KCNH8: variants seen among roughly 807,000 people sequenced by gnomAD.
KCNH8 encodes voltage-gated delayed rectifier potassium channel KCNH8.
Under a neutral mutation model 103.6 loss-of-function variants are expected in KCNH8, and 70 were observed. The observed-to-expected ratio is 0.68, with a 90% CI of 0.56 to 0.82. The LOEUF (loss-of-function observed/expected upper bound fraction) is 0.82, where lower values mean the gene tolerates loss of function less well. Among genes scored for constraint, KCNH8 ranks in the 40% least tolerant of loss-of-function variants. The probability of loss-of-function intolerance (pLI) is 0.00; values close to 1 mark genes in which losing one functional copy is unlikely to be tolerated. For missense variants in KCNH8, 1,217 were observed against 1,329.9 expected (o/e 0.92, Z 1.32); for synonymous variants, 498 against 489.4 (o/e 1.02, Z -0.23).
chr3:19,337,175 A>G (rs1030910858), intron 3 of KCNH8, among the ~76,000 whole-genome samples: 2 of 152,144 alleles, frequency 1.3e-5, no homozygotes, highest in Admixed American at 1.3e-4. Flanking sequence ...TACTGTGTGA[A>G]TTTGGACAAG....
At chr3:19,168,621 C>A (rs919712502) in intron 1 of KCNH8, among the ~76,000 whole-genome samples, 11 of 152,212 alleles carry the variant, frequency 7.2e-5, no homozygotes, top group Admixed American at 2.6e-4. Flanking sequence ...CCCAAAAGAG[C>A]CAACAGACTT....
At chr3:19,502,433 A>G (rs1251847901) in intron 11 of KCNH8, among the ~76,000 whole-genome samples, 1 of 151,920 alleles carries the variant, frequency 6.6e-6, no homozygotes, top group Admixed American at 6.6e-5. Context: ...TTTAAAGTTC[A>G]TATGGAACCG....
In KCNH8 at chr3:19,222,706, T is replaced by C. The variant is rs184605548; in HGVS notation, c.77-30948T>C. ...GTAATTCAAAACTTTCCAGATCTAGTGTAAGCCAGTTGTAGAGCCTTTGAA... is the reference window on the plus strand; with the variant it reads ...GTAATTCAAAACTTTCCAGATCTAGCGTAAGCCAGTTGTAGAGCCTTTGAA... On this transcript the variant is annotated intron_variant, in intron 1 of 15. Coordinates refer to ENST00000328405, the MANE Select transcript of KCNH8 (RefSeq NM_144633.3). 2.4e-4 allele frequency among the ~76,000 whole-genome samples: 37 copies of C among 152,308 alleles called. 2 individuals carry two copies. In the South Asian group the frequency reaches 2.7e-3, roughly 11 times the overall value.
intron 1 of KCNH8, among the ~76,000 whole-genome samples, chr3:19,178,161 A>G (rs2063418374): frequency 6.6e-6 from 1 of 152,096 alleles, no homozygotes; most frequent in African/African-American, 2.4e-5. Context: ...TAAGATTTAG[A>G]ATTGAGGCTT....
chr3:19,526,611 T>C (rs549346842), intron 15 of KCNH8, among the ~76,000 whole-genome samples: 1 of 152,066 alleles, frequency 6.6e-6, no homozygotes, highest in Admixed American at 6.6e-5. Context: ...TGACAACGCA[T>C]GGTGTTATTG....
intron 4 of KCNH8, among the ~76,000 whole-genome samples, chr3:19,344,694 G>A (rs1356675055): frequency 6.6e-6 from 1 of 152,028 alleles, no homozygotes; most frequent in African/African-American, 2.4e-5. Flanking sequence ...GAAATGACTT[G>A]TATAGTTTAT....
chr3:19,335,009 A>G (rs1485587707), intron 3 of KCNH8, among the ~76,000 whole-genome samples: 2 of 151,808 alleles, frequency 1.3e-5, no homozygotes, highest in South Asian at 2.1e-4. Context: ...GTATTTCCCA[A>G]TTTTCCATAA....
At chr3:19,406,070 G>A (rs190371839) in intron 7 of KCNH8, among the ~76,000 whole-genome samples, 2 of 152,114 alleles carry the variant, frequency 1.3e-5, no homozygotes, top group East Asian at 1.9e-4. Context: ...TTTAAGAAAT[G>A]TGTCTTGCAT....
At chr3:19,164,059 A>C (rs912860283) in intron 1 of KCNH8, among the ~76,000 whole-genome samples, 3 of 152,184 alleles carry the variant, frequency 2.0e-5, no homozygotes, top group Non-Finnish European at 4.4e-5. Context: ...AGGTGCCCCT[A>C]GTTCAAGGGT....
chr3:19,465,316 A>G (rs1241248419), intron 11 of KCNH8, among the ~76,000 whole-genome samples: 1 of 152,182 alleles, frequency 6.6e-6, no homozygotes, highest in African/African-American at 2.4e-5. Flanking sequence ...CCTGTACTCT[A>G]TAAATGGAAC....
Position 19,450,305 on chromosome 3 carries a change from G to T in KCNH8, c.1575G>T (p.Glu525Asp). ...WSVNNGIDSN[E>D]LLKDFPDELR... ...TCAACAATGGAATAGATTCAAATGA[G>T]GTAATGTTCATTTCTCATGTTGTTT... The change falls in exon 9 of 16, where the codon GAG becomes GAT. Residue 525 changes from glutamate to aspartate, a missense_variant and splice_region_variant. Transcript: ENST00000328405. 1.2e-6 allele frequency: 2 copies of T among 1,606,010 alleles called. No homozygotes were observed. Among genetic ancestry groups the T allele is most frequent in the Non-Finnish European group, 1.7e-6 (2 of 1,172,776 alleles).
intron 11 of KCNH8, among the ~76,000 whole-genome samples, chr3:19,462,917 G>A (rs1051871853): frequency 1.3e-5 from 2 of 151,972 alleles, no homozygotes; most frequent in Non-Finnish European, 2.9e-5. Flanking sequence ...TTTTTGTCAG[G>A]TTTGTCAAAG....
chr3:19,199,644 G>A (rs991971896), intron 1 of KCNH8, among the ~76,000 whole-genome samples: 6 of 150,530 alleles, frequency 4.0e-5, no homozygotes, highest in Non-Finnish European at 8.9e-5. Flanking sequence ...TGTACAAAAT[G>A]ATATATGTTT....
intron 11 of KCNH8, among the ~76,000 whole-genome samples, chr3:19,505,755 T>C (rs2068679433): frequency 6.6e-6 from 1 of 152,188 alleles, no homozygotes; most frequent in South Asian, 2.1e-4. Flanking sequence ...TGAGATATAT[T>C]TTCCAGGTTG....
At chr3:19,346,586 A>G (rs1211581580) in intron 4 of KCNH8, 1 of 455,914 alleles carries the variant, frequency 2.2e-6, no homozygotes, top group Non-Finnish European at 4.4e-6. Context: ...GAACTATTCA[A>G]TCACTGACAG....
chr3:19,338,353 G>C (rs1335850260), intron 3 of KCNH8, among the ~76,000 whole-genome samples: 2 of 151,814 alleles, frequency 1.3e-5, no homozygotes, highest in African/African-American at 2.4e-5. Context: ...TGATTCTTCA[G>C]ATTTTAGCCC....
intron 1 of KCNH8, among the ~76,000 whole-genome samples, chr3:19,150,615 A>T (rs2063119715): frequency 6.6e-6 from 1 of 152,164 alleles, no homozygotes; most frequent in Admixed American, 6.5e-5. Flanking sequence ...CTATAGTGAT[A>T]TGCATGATAA....
At chr3:19,351,124 A>T (rs942377769) in intron 5 of KCNH8, among the ~76,000 whole-genome samples, 3 of 152,100 alleles carry the variant, frequency 2.0e-5, no homozygotes, top group Non-Finnish European at 4.4e-5. Context: ...CAAGTGGAAG[A>T]AGGGGTATCA....
At chr3:19,495,978 A>G (rs1367572478) in intron 11 of KCNH8, among the ~76,000 whole-genome samples, 1 of 151,616 alleles carries the variant, frequency 6.6e-6, no homozygotes, top group East Asian at 2.1e-4. Flanking sequence ...ATGAGATTAC[A>G]TTCTTGATTT....
Sources: allele counts gnomAD v4.1 joint callset (sites outside exome capture counted in the v4.1 genomes callset), GRCh38; gene constraint gnomAD v4.1.1; transcripts MANE v1.5; gene names NCBI Gene and HGNC (gene_info 2026-07-23, HGNC 2026-07-21).